CLSTN2: variants seen among roughly 807,000 people sequenced by gnomAD.
The protein encoded by CLSTN2 is calsyntenin 2, also known as calsyntenin-2.
CLSTN2 carries 48 observed loss-of-function variants against 101.2 expected under a neutral mutation model. The observed-to-expected ratio is 0.47, with a 90% CI of 0.38 to 0.60. The LOEUF is 0.60. Ranked by LOEUF, CLSTN2 falls within the 20% of genes least tolerant of loss-of-function variation. CLSTN2 has a pLI of 0.00. For missense variants in CLSTN2, 1,160 were observed against 1,238.2 expected (o/e 0.94, Z 0.95); for synonymous variants, 481 against 463.6 (o/e 1.04, Z -0.48).
At chr3:140,366,270 C>T (rs2087788154) in intron 2 of CLSTN2, among the ~76,000 whole-genome samples, 2 of 152,198 alleles carry the variant, frequency 1.3e-5, no homozygotes, top group African/African-American at 4.8e-5. Flanking sequence ...AATGGAGACA[C>T]TGTCTGGGGG....
intron 1 of CLSTN2, among the ~76,000 whole-genome samples, chr3:139,953,061 G>T (rs1440219376): frequency 6.6e-6 from 1 of 152,186 alleles, no homozygotes; most frequent in African/African-American, 2.4e-5. Flanking sequence ...AGTTAGGTGG[G>T]ACCTGCTAAT....
At chr3:139,982,274 C>T (rs1935943702) in intron 1 of CLSTN2, among the ~76,000 whole-genome samples, 1 of 151,734 alleles carries the variant, frequency 6.6e-6, no homozygotes, top group Non-Finnish European at 1.5e-5. Flanking sequence ...ACCATCTGCT[C>T]CAATTATACT....
At chr3:140,368,166 A>T (rs1054603398) in intron 2 of CLSTN2, among the ~76,000 whole-genome samples, 4 of 152,222 alleles carry the variant, frequency 2.6e-5, no homozygotes, top group African/African-American at 9.6e-5. Flanking sequence ...GGCCATGGTC[A>T]AGAAGCCTCC....
chr3:140,460,583 C>T (rs748999165), intron 7 of CLSTN2, among the ~76,000 whole-genome samples: 3 of 152,162 alleles, frequency 2.0e-5, no homozygotes, highest in Non-Finnish European at 2.9e-5. Context: ...AAGGATAAAA[C>T]ATTCCTTAGA....
intron 8 of CLSTN2, among the ~76,000 whole-genome samples, chr3:140,487,477 G>A (rs975073646): frequency 1.3e-5 from 2 of 152,194 alleles, no homozygotes; most frequent in Non-Finnish European, 2.9e-5. Flanking sequence ...CTGTATCAGT[G>A]AGAATGAGTT....
chr3:140,189,362 C>T (rs1173915292), intron 2 of CLSTN2, among the ~76,000 whole-genome samples: 1 of 152,154 alleles, frequency 6.6e-6, no homozygotes, highest in East Asian at 1.9e-4. Flanking sequence ...TTTACTTTCC[C>T]ACCGGCAGTG....
At chr3:140,367,057 T>G (rs973592847) in intron 2 of CLSTN2, among the ~76,000 whole-genome samples, 1 of 152,186 alleles carries the variant, frequency 6.6e-6, no homozygotes, top group African/African-American at 2.4e-5. Flanking sequence ...CACCACCAGA[T>G]TCCAGCCCTC....
At chr3:140,102,029 C>A (rs1342325344) in intron 1 of CLSTN2, among the ~76,000 whole-genome samples, 1 of 152,176 alleles carries the variant, frequency 6.6e-6, no homozygotes, top group African/African-American at 2.4e-5. Context: ...ATTCTAACTT[C>A]TCTGAGGATT....
At chr3:140,445,917 C>G (rs1225054115) in intron 5 of CLSTN2, among the ~76,000 whole-genome samples, 2 of 152,106 alleles carry the variant, frequency 1.3e-5, no homozygotes, top group Non-Finnish European at 2.9e-5. Flanking sequence ...AATGCTGCAG[C>G]CTCATGTTGA....
At chr3:140,396,222 G>C (rs1190527805) in intron 2 of CLSTN2, among the ~76,000 whole-genome samples, 1 of 152,164 alleles carries the variant, frequency 6.6e-6, no homozygotes, top group Non-Finnish European at 1.5e-5. Context: ...CCCCGTGGGA[G>C]CAGTGCTGGC....
At chr3:140,225,757 A>G (rs2086313713) in intron 2 of CLSTN2, among the ~76,000 whole-genome samples, 1 of 152,086 alleles carries the variant, frequency 6.6e-6, no homozygotes, top group Non-Finnish European at 1.5e-5. Context: ...GGCCTCCCAA[A>G]GTGCTGGGAT....
chr3:140,462,006 T>TAATGAAAAAATTCAAGTATAGA (rs147930745), intron 7 of CLSTN2, among the ~76,000 whole-genome samples: 1 of 151,086 alleles, frequency 6.6e-6, no homozygotes. Context: ...TTTTTTCAAG[T>TAATGAAAAAATTCAAGTATAGA]CATAAAGCAA....
At position 140,371,074 on chromosome 3, in the gene CLSTN2, C is replaced by G. The variant is rs138944457; in HGVS notation, c.233-32555C>G. Among the ~76,000 whole-genome samples the G allele has an allele frequency of 1.8e-3, 277 of 152,328 alleles. 2 individuals are homozygous for G. Among genetic ancestry groups the G allele is most frequent in the African/African-American group, 6.4e-3 (267 of 41,572 alleles). ...CCTTTTGCTGTCTTTCTGGCAAACA[C>G]CTTCTGCAGAAATTTTCTCACTTCC... is the stretch of plus-strand genomic sequence containing the variant. On this transcript the variant is annotated intron_variant, in intron 2 of 16. Coordinates refer to ENST00000458420, the MANE Select transcript of CLSTN2 (RefSeq NM_022131.3).
intron 1 of CLSTN2, among the ~76,000 whole-genome samples, chr3:140,047,628 G>C (rs2007907017): frequency 6.6e-6 from 1 of 152,110 alleles, no homozygotes; most frequent in Non-Finnish European, 1.5e-5. Flanking sequence ...CAAGGTTGAG[G>C]GGTCACATCT....
At chr3:140,129,692 A>G (rs759206488) in intron 1 of CLSTN2, among the ~76,000 whole-genome samples, 3 of 152,206 alleles carry the variant, frequency 2.0e-5, no homozygotes, top group Non-Finnish European at 4.4e-5. Flanking sequence ...AAATGAATGC[A>G]TGTATTGGGG....
chr3:139,988,283 A>G (rs1329081726), intron 1 of CLSTN2, among the ~76,000 whole-genome samples: 1 of 152,148 alleles, frequency 6.6e-6, no homozygotes, highest in Non-Finnish European at 1.5e-5. Flanking sequence ...TACATTAAAA[A>G]CAAGAAACAA....
chr3:140,031,364 G>A (rs2007544340), intron 1 of CLSTN2, among the ~76,000 whole-genome samples: 1 of 152,192 alleles, frequency 6.6e-6, no homozygotes, highest in Non-Finnish European at 1.5e-5. Flanking sequence ...GGATGGTTGA[G>A]GCATTGGCTG....
intron 2 of CLSTN2, among the ~76,000 whole-genome samples, chr3:140,300,590 C>T (rs1227465352): frequency 2.6e-5 from 4 of 152,010 alleles, no homozygotes; most frequent in Non-Finnish European, 4.4e-5. Flanking sequence ...AGGTAGGTTC[C>T]CAGATGTGCC....
In CLSTN2 at chr3:140,326,858, G is replaced by A. The variant is rs1258326047; in HGVS notation, c.233-76771G>A. On this transcript the variant is annotated intron_variant, in intron 2 of 16. Coordinates refer to ENST00000458420, the MANE Select transcript of CLSTN2 (RefSeq NM_022131.3). ...AAAAGTGCCCTCTATAACTTTACTC[G>A]CTTTAGACATCTCTTTTAAGAGTGA... Among the ~76,000 whole-genome samples, 11 of 152,166 alleles carry A rather than the reference G, an allele frequency of 7.2e-5. No individual in the cohort carries two copies. The South Asian group carries it at 1.2e-3, about 17-fold the overall frequency.
Sources: allele counts gnomAD v4.1 joint callset (sites outside exome capture counted in the v4.1 genomes callset), GRCh38; gene constraint gnomAD v4.1.1; transcripts MANE v1.5; gene names NCBI Gene and HGNC (gene_info 2026-07-23, HGNC 2026-07-21).